Variants in AKAP13 observed in about 807,000 individuals in gnomAD.
AKAP13 encodes the protein A-kinase anchor protein 13.
In AKAP13, 80 loss-of-function variants were observed where a neutral mutation model predicts 264.5. The observed-to-expected ratio is 0.30, with a 90% confidence interval of 0.25 to 0.36. The LOEUF is 0.36. AKAP13 is among the 10% of genes least tolerant of loss of function. The probability of loss-of-function intolerance (pLI) is 1.00; values close to 1 mark genes in which losing one functional copy is unlikely to be tolerated. For synonymous variants in AKAP13, 1,380 were observed against 1,250.2 expected (o/e 1.10, Z -2.19); for missense variants, 3,712 against 3,435.2 (o/e 1.08, Z -2.01).
chr15:85,720,298 T>A (rs79083718), intron 23 of AKAP13, among the ~76,000 whole-genome samples: 23,021 of 151,900 alleles, frequency 0.15, 2,208 homozygotes, highest in Non-Finnish European at 0.22. Context: ...GTGTTGGAAA[T>A]CTTCAACTTT....
Position 85,598,003 on chromosome 15 carries a change from A to G in AKAP13, c.4161+12180A>G, listed in dbSNP as rs2079893166. On this transcript the variant is annotated intron_variant, in intron 8 of 36. Coordinates refer to ENST00000394518, the MANE Select transcript of AKAP13 (RefSeq NM_007200.5). ...AGAATTGTAAGATCCCCTTTCCAAT[A>G]TTCTTTATCTTTTGGTTTCTATGAA... Among the ~76,000 whole-genome samples, 4 of 152,098 alleles carry G rather than the reference A, an allele frequency of 2.6e-5. No homozygotes were observed. In the South Asian group the frequency reaches 8.3e-4, roughly 32 times the overall value.
intron 1 of AKAP13, among the ~76,000 whole-genome samples, chr15:85,401,836 G>A (rs1458017869): frequency 6.6e-6 from 1 of 152,072 alleles, no homozygotes; most frequent in African/African-American, 2.4e-5. Flanking sequence ...AATAATAATG[G>A]GGAACAAAAT....
chr15:85,426,149 T>C (rs1419298289), intron 1 of AKAP13, among the ~76,000 whole-genome samples: 13 of 152,242 alleles, frequency 8.5e-5, no homozygotes, highest in East Asian at 1.9e-4. Context: ...TCAGGATTCA[T>C]GTTATGGAAA....
rs961481331 is a variant in AKAP13 at position 85,748,309 on chromosome 15, C to A, written c.*3632C>A. ...GGCTGTGAGGTGACCCCAGACACTG[C>A]AGAACGATGTGCACCCTCTGCGTTT... On this transcript the variant is annotated 3_prime_UTR_variant, in exon 37 of 37. Transcript: ENST00000394518. The A allele has an allele frequency of 6.6e-6, 1 of 152,224 alleles. No individual in the cohort carries two copies. Among genetic ancestry groups the A allele is most frequent in the East Asian group, 1.9e-4 (1 of 5,186 alleles). The allele number at this position is 152,224 out of a possible 1,614,324, so 9.4% of individuals were successfully genotyped here. A position where few individuals can be genotyped will look rare whatever the true frequency, so the allele number is the denominator to read the frequency against.
intron 32 of AKAP13, among the ~76,000 whole-genome samples, 184 bp downstream of exon 32, chr15:85,735,814 G>C (rs904378471): frequency 1.3e-5 from 2 of 152,188 alleles, no homozygotes; most frequent in East Asian, 3.8e-4. Context: ...ATTATTGGCT[G>C]TTTGGCCTCA....
chr15:85,479,870 A>G (rs552156665), intron 1 of AKAP13, among the ~76,000 whole-genome samples: 1 of 152,152 alleles, frequency 6.6e-6, no homozygotes, highest in Admixed American at 6.5e-5. Flanking sequence ...GTTAATGTAC[A>G]TCTGGATACA....
At chr15:85,464,802 A>C (rs1313626784) in intron 1 of AKAP13, among the ~76,000 whole-genome samples, 1 of 152,178 alleles carries the variant, frequency 6.6e-6, no homozygotes, top group East Asian at 1.9e-4. Flanking sequence ...TAGAATTTTC[A>C]ATTGCTTACC....
intron 4 of AKAP13, chr15:85,535,355 C>G (rs1403949939): frequency 6.6e-6 from 1 of 152,188 alleles, no homozygotes; most frequent in African/African-American, 2.4e-5. Context: ...TGCATACTGT[C>G]AGATTCTACC....
chr15:85,591,526 T>G (rs2079578811), intron 8 of AKAP13, among the ~76,000 whole-genome samples: 1 of 152,144 alleles, frequency 6.6e-6, no homozygotes, highest in Non-Finnish European at 1.5e-5. Flanking sequence ...TTGCTTTTGG[T>G]GCAGAAATTA....
intron 8 of AKAP13, among the ~76,000 whole-genome samples, chr15:85,609,700 T>C (rs2080515380): frequency 6.6e-6 from 1 of 152,238 alleles, no homozygotes; most frequent in East Asian, 1.9e-4. Context: ...TTTTCCTACC[T>C]GATGTCATAG....
intron 1 of AKAP13, among the ~76,000 whole-genome samples, chr15:85,399,292 C>T (rs943493095): frequency 2.7e-5 from 4 of 150,556 alleles, no homozygotes; most frequent in African/African-American, 4.9e-5. Flanking sequence ...GTCAGGAGAT[C>T]GAGACCATCC....
chr15:85,698,465 CAAAA>C (rs35509705), intron 17 of AKAP13, among the ~76,000 whole-genome samples: 1 of 103,972 alleles, frequency 9.6e-6, no homozygotes. Flanking sequence ...ACTCTGTCTC[CAAAA>C]AAAAAAAAAA....
chr15:85,735,464 G>C, intron 31 of AKAP13, 96 bp from the exon 32 acceptor site: 1 of 1,313,126 alleles, frequency 7.6e-7, no homozygotes, highest in Non-Finnish European at 1.1e-6. Flanking sequence ...GTAGGTTTCA[G>C]ACATACTACA....
rs2087056510 is a variant in AKAP13, at chr15:85,718,079, A to G, written c.5921A>G (p.Glu1974Gly). The G allele has an allele frequency of 1.2e-6, 2 of 1,614,076 alleles. No individual in the cohort carries two copies. The highest frequency in any genetic ancestry group is 1.7e-6 in the Non-Finnish European group (2 of 1,180,026). The change falls in exon 22 of 37, where the codon GAG (glutamate) becomes GGG (glycine). Residue 1974 changes from glutamate (E) to glycine (G), a missense_variant. Transcript: ENST00000394518. This position sits in a 1 kb window ranked among gnomAD's most constrained non-coding sequence, Gnocchi z 4.9. ...ATTGAGTCCAAACAGCTGGAAGCAG[A>G]GTCTTGGAGTCGGATAATAGACAGC... ...FEIESKQLEA[E>G]SWSRIIDSKF...
chr15:85,585,876 G>T, intron 8 of AKAP13, 53 bp downstream of exon 8: 6 of 1,591,890 alleles, frequency 3.8e-6, no homozygotes, highest in Non-Finnish European at 5.1e-6. Context: ...ATCCTGTTCT[G>T]CTGTGTCTTA....
intron 10 of AKAP13, among the ~76,000 whole-genome samples, chr15:85,650,049 T>C (rs78819398): frequency 0.02 from 2,982 of 152,282 alleles, 98 homozygotes; most frequent in African/African-American, 0.068. Context: ...GGGAACATCC[T>C]TCTTTCATGT....
intron 5 of AKAP13, among the ~76,000 whole-genome samples, chr15:85,553,202 T>C (rs2078026382): frequency 6.6e-6 from 1 of 151,540 alleles, no homozygotes; most frequent in Non-Finnish European, 1.5e-5. Context: ...TTCTCCTGCC[T>C]TGGCCTCCTG....
intron 1 of AKAP13, among the ~76,000 whole-genome samples, chr15:85,435,030 G>C (rs1238733180): frequency 4.8e-5 from 7 of 147,188 alleles, no homozygotes; most frequent in Non-Finnish European, 7.6e-5. Context: ...TCTGAGCTAC[G>C]GGAGGACATT....
In AKAP13 at chr15:85,682,069, T is replaced by C. The variant is rs1304645927; in HGVS notation, c.5102-89T>C. ...TGACTTTCACACGCTGTTTTTGCTT[T>C]AGCTGTGTCATTGTGAATTTATAAA... On this transcript the variant is annotated intron_variant, in intron 14 of 36. Transcript: ENST00000394518. 1.0e-5 allele frequency: 13 copies of C among 1,253,316 alleles called. No individual in the cohort carries two copies. In the East Asian group the frequency reaches 2.8e-4, roughly 27 times the overall value. 77.6% of individuals were successfully genotyped at this position (1,253,316 alleles called of 1,614,324 possible).
Sources: gnomAD v4.1 joint callset for allele counts (sites outside exome capture counted in the v4.1 genomes callset) on GRCh38, gnomAD v4.1.1 for gene constraint, Gnocchi (gnomAD v3.1) non-coding constraint, MANE v1.5 for transcripts, NCBI Gene and HGNC (gene_info 2026-07-23, HGNC 2026-07-21) for gene names.